Variants in PCDH15 observed in about 807,000 individuals in gnomAD.
PCDH15 encodes protocadherin-15.
PCDH15 carries 129 observed loss-of-function variants against 178.5 expected under a neutral mutation model. That is an observed-to-expected ratio of 0.72 (90% CI 0.63 to 0.84). PCDH15 has a LOEUF of 0.84. Ranked by LOEUF, PCDH15 falls within the 40% of genes least tolerant of loss-of-function variation. PCDH15 has a pLI of 0.00. For synonymous variants in PCDH15, 800 were observed against 732.0 expected (o/e 1.09, Z -1.50); for missense variants, 2,230 against 2,099.9 (o/e 1.06, Z -1.21).
chr10:55,536,943 A>G (rs1841590862), intron 2 of PCDH15, among the ~76,000 whole-genome samples: 1 of 152,152 alleles, frequency 6.6e-6, no homozygotes. Flanking sequence ...TTAGGTGATG[A>G]TGATCACACT....
intron 2 of PCDH15, among the ~76,000 whole-genome samples, chr10:55,354,135 A>G (rs1337970289): frequency 6.6e-6 from 1 of 152,092 alleles, no homozygotes; most frequent in East Asian, 1.9e-4. Context: ...ATCACTGAGT[A>G]AAGTAAAACA....
intron 1 of PCDH15, among the ~76,000 whole-genome samples, chr10:54,707,304 G>A (rs75403532): frequency 0.019 from 2,935 of 152,252 alleles, 87 homozygotes; most frequent in African/African-American, 0.065. Flanking sequence ...TCATGCAACA[G>A]TAACTTAGTA....
intron 1 of PCDH15, among the ~76,000 whole-genome samples, chr10:54,683,254 C>CA (rs1357844829): frequency 6.6e-6 from 1 of 151,868 alleles, no homozygotes; most frequent in Non-Finnish European, 1.5e-5. Flanking sequence ...TAAGGACATT[C>CA]ACATTGTTGT....
rs146525753 is a variant in PCDH15 at position 54,648,354 on chromosome 10, T to C, written c.91+15818A>G. ...AGGAGGACACCAAAAATGTGACATT[T>C]GAAGACAGCCATGATTTGATTATGT... On this transcript the variant is annotated intron_variant, in intron 2 of 37. Transcript: ENST00000644397. Among the ~76,000 whole-genome samples the C allele has an allele frequency of 7.2e-3, 1,093 of 152,220 alleles. 14 individuals carry two copies. The highest frequency in any genetic ancestry group is 0.024 in the African/African-American group (983 of 41,548).
chr10:54,674,164 A>G (rs572655785), intron 1 of PCDH15, among the ~76,000 whole-genome samples: 4 of 152,300 alleles, frequency 2.6e-5, no homozygotes, highest in Middle Eastern at 6.8e-3. Context: ...TTTTTTAGGT[A>G]AGGTCTTCGG....
chr10:54,676,194 A>C (rs995914520), intron 1 of PCDH15, among the ~76,000 whole-genome samples: 3 of 152,036 alleles, frequency 2.0e-5, no homozygotes, highest in Non-Finnish European at 4.4e-5. Context: ...ATATGCTTAT[A>C]AAATATAAGA....
intron 2 of PCDH15, among the ~76,000 whole-genome samples, chr10:54,656,517 C>T (rs1225583163): frequency 6.6e-6 from 1 of 152,164 alleles, no homozygotes; most frequent in African/African-American, 2.4e-5. Context: ...ACACTCTTCT[C>T]AGGCCTGAAC....
At chr10:55,065,322 T>C (rs774360427) in intron 2 of PCDH15, among the ~76,000 whole-genome samples, 1 of 152,010 alleles carries the variant, frequency 6.6e-6, no homozygotes, top group Non-Finnish European at 1.5e-5. Flanking sequence ...TCCCCTTTCA[T>C]CTAACCAGAA....
intron 2 of PCDH15, among the ~76,000 whole-genome samples, chr10:54,639,358 T>G (rs2134905775): frequency 6.6e-6 from 1 of 152,234 alleles, no homozygotes; most frequent in Non-Finnish European, 1.5e-5. Context: ...ATATAAAATC[T>G]TATTTGGTCA....
chr10:54,350,553 A>G (rs1944008110), intron 5 of PCDH15, among the ~76,000 whole-genome samples: 1 of 152,262 alleles, frequency 6.6e-6, no homozygotes, highest in Non-Finnish European at 1.5e-5. Flanking sequence ...TGAGAGAAAT[A>G]GCCGAGAAAA....
At chr10:53,937,690 T>C (rs2085699316) in intron 25 of PCDH15, among the ~76,000 whole-genome samples, 1 of 152,120 alleles carries the variant, frequency 6.6e-6, no homozygotes, top group South Asian at 2.1e-4. Context: ...TCACGATAAA[T>C]GAAAAGGAGT....
intron 2 of PCDH15, among the ~76,000 whole-genome samples, chr10:55,144,318 G>A (rs1838456): frequency 0.9 from 136,985 of 151,940 alleles, 62,440 homozygotes; most frequent in Non-Finnish European, 0.97. Flanking sequence ...GAAAATAATA[G>A]AACAAGTCCT....
rs536626538 is a variant in PCDH15 at position 55,563,644 on chromosome 10, T to A, written c.-156+63981A>T. On this transcript the variant is annotated intron_variant, in intron 2 of 5. Transcript: ENST00000613346. The stretch of plus-strand genomic sequence containing the variant: ...AGAAAACAGATAAAGCAAAATAGAG[T>A]CACCGAGAAAGACTTGATGGTAGAT... Among the ~76,000 whole-genome samples, 4 of 141,600 alleles carry A rather than the reference T, an allele frequency of 2.8e-5. No individual in the cohort carries two copies. The East Asian group carries it at 6.5e-4, about 23-fold the overall frequency. The allele number at this position is 141,600 out of a possible 152,430, so 92.9% of individuals were successfully genotyped here.
chr10:54,587,759 A>T (rs759004760), intron 2 of PCDH15, among the ~76,000 whole-genome samples: 2 of 152,188 alleles, frequency 1.3e-5, no homozygotes, highest in Non-Finnish European at 2.9e-5. Context: ...AGTCTTTAAC[A>T]TCAATGTAAT....
intron 29 of PCDH15, among the ~76,000 whole-genome samples, chr10:53,832,019 C>G (rs1292250803): frequency 3.9e-5 from 6 of 152,076 alleles, no homozygotes; most frequent in African/African-American, 1.4e-4. Context: ...AGGCACCAAA[C>G]TAAGATTTCA....
intron 2 of PCDH15, among the ~76,000 whole-genome samples, chr10:55,135,574 C>CTTTTTTTTTTTTTTTTTTTTTTT (rs56956557): frequency 5.9e-5 from 4 of 68,220 alleles, no homozygotes; most frequent in African/African-American, 2.2e-4. Flanking sequence ...TCTTTTCTTT[C>CTTTTTTTTTTTTTTTTTTTTTTT]TTTTTTTTTT....
chr10:55,231,046 T>G (rs1449593532), intron 1 of PCDH15, among the ~76,000 whole-genome samples: 1 of 152,030 alleles, frequency 6.6e-6, no homozygotes, highest in Non-Finnish European at 1.5e-5. Context: ...AAGAATTACA[T>G]ATAATTCAAT....
intron 2 of PCDH15, among the ~76,000 whole-genome samples, chr10:55,495,294 T>G (rs2132132574): frequency 6.6e-6 from 1 of 151,856 alleles, no homozygotes; most frequent in South Asian, 2.1e-4. Context: ...ACCCTTATGC[T>G]ACAAATATTA....
rs766474179 is a variant in PCDH15, at chr10:55,599,967, G to A, written c.-156+27658C>T. On this transcript the variant is annotated intron_variant, in intron 2 of 5. Coordinates refer to the PCDH15 transcript ENST00000613346. Reference sequence around the variant, plus strand: ...GAAATTGACCTACCTATGAAGAGGCGGGTATAAATAAATAGGAGAAGACCC... The same window carrying A: ...GAAATTGACCTACCTATGAAGAGGCAGGTATAAATAAATAGGAGAAGACCC... The A allele has an allele frequency of 5.6e-4, 835 of 1,500,908 alleles. 3 individuals carry two copies. The highest frequency in any genetic ancestry group is 6.8e-4 in the Non-Finnish European group (770 of 1,128,062). The allele number at this position is 1,500,908 out of a possible 1,614,324, so 93.0% of individuals were successfully genotyped here. A position where few individuals can be genotyped will look rare whatever the true frequency, so the allele number is the denominator to read the frequency against.
Sources: allele counts gnomAD v4.1 joint callset (sites outside exome capture counted in the v4.1 genomes callset), GRCh38; gene constraint gnomAD v4.1.1; transcripts MANE v1.5; gene names NCBI Gene and HGNC (gene_info 2026-07-23, HGNC 2026-07-21).